TMEM161B: variants seen among roughly 807,000 people sequenced by gnomAD.
The protein encoded by TMEM161B is transmembrane protein 161B.
Under a neutral mutation model 61.8 loss-of-function variants are expected in TMEM161B, and 34 were observed. That is an observed-to-expected ratio of 0.55 (90% confidence interval 0.42 to 0.73). The LOEUF (loss-of-function observed/expected upper bound fraction) is 0.73. Ranked by LOEUF, TMEM161B falls within the 30% of genes least tolerant of loss-of-function variation. TMEM161B has a pLI of 0.00. For synonymous variants in TMEM161B, 167 were observed against 192.8 expected, an observed-to-expected ratio of 0.87 and a Z score of 1.11; for missense variants, 456 against 558.5, an observed-to-expected ratio of 0.82 and a Z score of 1.85.
downstream of TMEM161B, among the ~76,000 whole-genome samples, chr5:88,191,595 A>G (rs1023612457): frequency 4.6e-5 from 7 of 152,192 alleles, no homozygotes; most frequent in African/African-American, 1.7e-4. Flanking sequence ...ATGATCTGTA[A>G]CCATTCCTAA....
intron 4 of TMEM161B, chr5:88,221,902 A>G (rs1421692549): frequency 2.9e-6 from 1 of 339,252 alleles, no homozygotes; most frequent in Non-Finnish European, 5.9e-6. Flanking sequence ...ATATCCTTAT[A>G]GAAAAAGTAT....
At chr5:88,223,527 T>G (rs182696825) in intron 4 of TMEM161B, among the ~76,000 whole-genome samples, 14 of 152,258 alleles carry the variant, frequency 9.2e-5, no homozygotes, top group Admixed American at 8.5e-4. Flanking sequence ...CAAAGTGCCT[T>G]TAAATGTTTT....
Position 88,240,697 on chromosome 5 carries a change from G to A in TMEM161B, c.107+116C>T, listed in dbSNP as rs564177251. The A allele has an allele frequency of 1.6e-4, 135 of 841,234 alleles. 1 individual carries two copies. The Middle Eastern group carries it at 2.5e-3, about 15-fold the overall frequency. 52.1% of individuals were successfully genotyped at this position (841,234 alleles called of 1,614,324 possible). ...TTTTTTAAGAGAAATAAGAAAGCTA[G>A]ATTTTTCTTATGACTTCCTTTTGTT... is the stretch of plus-strand genomic sequence containing the variant. On this transcript the variant is annotated intron_variant, in intron 2 of 11. Transcript: ENST00000296595.
At chr5:88,251,724 C>A (rs544745106) in intron 1 of TMEM161B, among the ~76,000 whole-genome samples, 1 of 152,206 alleles carries the variant, frequency 6.6e-6, no homozygotes, top group South Asian at 2.1e-4. Flanking sequence ...TGTTAAAAAT[C>A]ACTGTAAATC....
chr5:88,268,002 C>T (rs74349265), intron 1 of TMEM161B, among the ~76,000 whole-genome samples: 2,248 of 152,224 alleles, frequency 0.015, 56 homozygotes, highest in African/African-American at 0.05. Flanking sequence ...TGGTTACTGC[C>T]GGATCATACC....
At chr5:88,236,048 G>A (rs542190114) in intron 2 of TMEM161B, among the ~76,000 whole-genome samples, 1 of 152,236 alleles carries the variant, frequency 6.6e-6, no homozygotes, top group East Asian at 1.9e-4. Context: ...CATCTGAATG[G>A]TAGGTTTCTC....
chr5:88,240,772 GA>G (rs1322608603), intron 2 of TMEM161B, 40 bp downstream of exon 2: 5 of 1,405,458 alleles, frequency 3.6e-6, no homozygotes, highest in Non-Finnish European at 5.0e-6. Context: ...GTAAACTAGA[GA>G]TTGAAAGTGT....
At chr5:88,248,673 G>A (rs971260374) in intron 1 of TMEM161B, among the ~76,000 whole-genome samples, 1 of 143,338 alleles carries the variant, frequency 7.0e-6, no homozygotes, top group Non-Finnish European at 1.5e-5. Flanking sequence ...GGTAGTAAGA[G>A]GACAGACAGA....
In TMEM161B at chr5:88,199,080, T is replaced by C; in HGVS notation, c.985A>G (p.Met329Val). ...TAAGCTTGCAGGTGACTACGCATCA[T>C]GGCCAACCGCAAAGCACACAGCAGG... The part of the protein sequence containing the change: ...IILLCALRLA[M>V]MRSHLQAYLN... The change falls in exon 10 of 12, where the codon ATG (methionine) becomes GTG (valine). Residue 329 changes from methionine (M) to valine (V), a missense_variant. Transcript: ENST00000296595. 1 of 1,613,148 alleles carries C rather than the reference T, an allele frequency of 6.2e-7. No individual in the cohort carries two copies. The highest frequency in any genetic ancestry group is 8.5e-7 in the Non-Finnish European group (1 of 1,179,448).
At chr5:88,192,119 C>G (rs1216978818), downstream of TMEM161B, among the ~76,000 whole-genome samples, 2 of 136,704 alleles carry the variant, frequency 1.5e-5, no homozygotes, top group Admixed American at 7.7e-5. Flanking sequence ...TTTTCTGATT[C>G]TTAGATTAGC....
At chr5:88,203,767 AT>A (rs1744872801) in intron 8 of TMEM161B, among the ~76,000 whole-genome samples, 12 of 3,646 alleles carry the variant, frequency 3.3e-3, no homozygotes, top group Non-Finnish European at 4.3e-3. Flanking sequence ...ATATATATAT[AT>A]ATATATATAT....
intron 2 of TMEM161B, among the ~76,000 whole-genome samples, chr5:88,235,799 G>C (rs1580595714): frequency 6.6e-6 from 1 of 152,160 alleles, no homozygotes; most frequent in East Asian, 1.9e-4. Context: ...TGGAGGGGAG[G>C]CTTAAGCAAA....
intron 1 of TMEM161B, among the ~76,000 whole-genome samples, chr5:88,241,779 A>G (rs1752778967): frequency 1.3e-5 from 2 of 151,670 alleles, no homozygotes; most frequent in Admixed American, 6.6e-5. Context: ...CTCTCTTCAC[A>G]TCTCCAACCC....
chr5:88,231,815 C>T (rs1049748239), intron 2 of TMEM161B, among the ~76,000 whole-genome samples: 6 of 152,100 alleles, frequency 3.9e-5, no homozygotes, highest in South Asian at 2.1e-4. Flanking sequence ...TAGGTTCCTG[C>T]GAGCCTCTGG....
intron 2 of TMEM161B, among the ~76,000 whole-genome samples, chr5:88,230,606 G>T (rs1378549934): frequency 6.6e-6 from 1 of 152,114 alleles, no homozygotes; most frequent in Non-Finnish European, 1.5e-5. Flanking sequence ...GCTTGACTAA[G>T]TGACATTTTC....
At position 88,220,548 on chromosome 5, in the gene TMEM161B, T is replaced by G; in HGVS notation, c.446+15A>C. 6.6e-7 allele frequency: 1 copy of G among 1,524,348 alleles called. No individual in the cohort carries two copies. Among genetic ancestry groups the G allele is most frequent in the Non-Finnish European group, 8.7e-7 (1 of 1,142,958 alleles). 94.4% of individuals were successfully genotyped at this position (1,524,348 alleles called of 1,614,324 possible). ...CTGCAAAATAAATTAATATTAATGA[T>G]GTTTTGAAGGATACATTGCAAAAGA... On this transcript the variant is annotated intron_variant, in intron 5 of 11. Transcript: ENST00000296595.
chr5:88,208,604 T>G (rs963811443), intron 5 of TMEM161B, among the ~76,000 whole-genome samples: 2 of 152,168 alleles, frequency 1.3e-5, no homozygotes, highest in Non-Finnish European at 2.9e-5. Flanking sequence ...ATAGCACCAC[T>G]GCACTCCAGT....
chr5:88,226,961 AT>A (rs879634347), intron 3 of TMEM161B, among the ~76,000 whole-genome samples: 6 of 149,694 alleles, frequency 4.0e-5, no homozygotes, highest in South Asian at 2.1e-4. Flanking sequence ...GTCTCTACAA[AT>A]TTTTTTTTTT....
In TMEM161B at chr5:88,261,181, G is replaced by GA. The variant is rs531652696; in HGVS notation, c.3+7539dup. On this transcript the variant is annotated intron_variant, in intron 1 of 11. Transcript: ENST00000296595. Reference sequence around the variant, plus strand: ...AAAATACTATTTACATTAGCACCCAGAAAAAAATGAATACTTTGGTATAAA... The same window carrying GA: ...AAAATACTATTTACATTAGCACCCAGAAAAAAAATGAATACTTTGGTATAAA... Among the ~76,000 whole-genome samples, 10 of 151,900 alleles carry GA rather than the reference G, an allele frequency of 6.6e-5. No homozygotes were observed. In the East Asian group the frequency reaches 1.2e-3, roughly 18 times the overall value.
Sources: allele counts gnomAD v4.1 joint callset (sites outside exome capture counted in the v4.1 genomes callset), GRCh38; gene constraint gnomAD v4.1.1; transcripts MANE v1.5; gene names NCBI Gene and HGNC (gene_info 2026-07-23, HGNC 2026-07-21).